The following REV1 variants were observed in gnomAD, a reference collection of about 807,000 sequenced individuals.
The protein encoded by REV1 is REV1 DNA directed polymerase.
REV1 carries 42 observed loss-of-function variants against 137.4 expected under a neutral mutation model. That is an observed-to-expected ratio of 0.31 (90% CI 0.24 to 0.40). The LOEUF (loss-of-function observed/expected upper bound fraction) is 0.40, where lower values mean the gene tolerates loss of function less well. REV1 is among the 10% of genes least tolerant of loss of function. The probability of loss-of-function intolerance (pLI) is 1.00; values close to 1 mark genes in which losing one functional copy is unlikely to be tolerated. For missense variants in REV1, 1,282 were observed against 1,490.1 expected, an observed-to-expected ratio of 0.86 and a Z score of 2.30; for synonymous variants, 524 against 519.2, an observed-to-expected ratio of 1.01 and a Z score of -0.12.
At chr2:99,454,271 T>C (rs988438817) in intron 3 of REV1, among the ~76,000 whole-genome samples, 1 of 151,618 alleles carries the variant, frequency 6.6e-6, no homozygotes, top group Non-Finnish European at 1.5e-5. Flanking sequence ...CAGAAAAGGC[T>C]GGGCACGGTG....
intron 6 of REV1, chr2:99,436,871 A>G (rs979174178): frequency 6.6e-6 from 1 of 152,062 alleles, no homozygotes; most frequent in African/African-American, 2.4e-5. Flanking sequence ...ATTAGTACTG[A>G]GGGTCAGTCT....
rs1171794887 is a variant in REV1, at chr2:99,410,679, T to C, written c.2345+16A>G. 1.9e-6 allele frequency: 3 copies of C among 1,572,370 alleles called. No individual in the cohort carries two copies. Among genetic ancestry groups the C allele is most frequent in the Admixed American group, 4.1e-5 (2 of 48,344 alleles). On this transcript the variant is annotated intron_variant, in intron 14 of 22. Transcript: ENST00000258428. ...CTGAAATATAATTACCAATATCATTTCTGAGGTGAGCTTACCTGGCAATGT... is the reference window on the plus strand; with the variant it reads ...CTGAAATATAATTACCAATATCATTCCTGAGGTGAGCTTACCTGGCAATGT...
Position 99,404,600 on chromosome 2 carries a change from T to G in REV1, c.2889A>C (p.Ala963=). Residue 963 remains alanine, a synonymous_variant, in exon 18 of 23, where the codon GCA becomes GCC. Coordinates refer to ENST00000258428, the MANE Select transcript of REV1 (RefSeq NM_016316.4). ...CTTTCTTTTTGTCGCCATGTGACTC[T>G]GCTTGCTGGACAGCACAGACTTGCT... is the stretch of plus-strand genomic sequence containing the variant. ...QVEQVCAVQQ[A]ESHGDKKKEP... The G allele has an allele frequency of 6.2e-7, 1 of 1,614,132 alleles. No homozygotes were observed. Among genetic ancestry groups the G allele is most frequent in the Non-Finnish European group, 8.5e-7 (1 of 1,180,006 alleles).
At chr2:99,459,599 G>A (rs1385038271) in intron 3 of REV1, among the ~76,000 whole-genome samples, 3 of 151,994 alleles carry the variant, frequency 2.0e-5, no homozygotes, top group Admixed American at 2.0e-4. Flanking sequence ...CTAGCTACTT[G>A]GGAGCCTGAG....
At chr2:99,417,436 G>A (rs919504097) in intron 12 of REV1, among the ~76,000 whole-genome samples, 4 of 152,136 alleles carry the variant, frequency 2.6e-5, no homozygotes, top group African/African-American at 7.2e-5. Context: ...GAGTCACCAT[G>A]CCCGGCCACA....
intron 19 of REV1, 165 bp downstream of exon 19, chr2:99,403,530 T>TA: frequency 1.2e-6 from 1 of 851,018 alleles, no homozygotes; most frequent in African/African-American, 1.7e-5. Context: ...CAACTAGAAA[T>TA]ATGATGATAT....
rs766709386 is a variant in REV1 at position 99,412,926 on chromosome 2, C to T, written c.1977G>A (p.Lys659=). The change falls in exon 13 of 23, where the codon AAG becomes AAA. Residue 659 remains lysine (K), a synonymous_variant. Coordinates refer to ENST00000258428, the MANE Select transcript of REV1 (RefSeq NM_016316.4). The stretch of plus-strand genomic sequence containing the variant: ...AAGTTTTAATTCCCAAAGATGCCAA[C>T]TTAGATTCCATTGAATGTCCAACTC... ...LPGVGHSMES[K]LASLGIKTCG... is the part of the protein sequence containing the mutation. The T allele has an allele frequency of 3.7e-6, 6 of 1,613,718 alleles. No homozygotes were observed. The African/African-American group carries it at 5.3e-5, about 14-fold the overall frequency.
Position 99,439,034 on chromosome 2 carries a change from C to T in REV1, c.780G>A (p.Glu260=), listed in dbSNP as rs147808086. Residue 260 remains glutamate, a synonymous_variant, in exon 6 of 23, where the codon GAG becomes GAA. Transcript: ENST00000258428. The stretch of plus-strand genomic sequence containing the variant: ...TGCTGCTCTTCTCAGCCTTATCCTC[C>T]TCCTGGGAAAAGGCTGGAGAAAGCC... ...ASRLSPAFSQ[E]EDKAEKSSTD... is the part of the protein sequence containing the mutation. The T allele has an allele frequency of 6.0e-5, 97 of 1,614,152 alleles. No individual in the cohort carries two copies. In the African/African-American group the frequency reaches 1.2e-3, roughly 21 times the overall value.
chr2:99,438,855 G>A lies in REV1; in HGVS notation c.959C>T (p.Pro320Leu). 1 of 1,614,212 alleles carries A rather than the reference G, an allele frequency of 6.2e-7. No homozygotes were observed. Residue 320 changes from proline (P) to leucine (L), a missense_variant, in exon 6 of 23, where the codon CCT becomes CTT. This residue lies in a region of REV1 where 432 missense variants were observed against 438.0 expected (regional missense o/e 0.99). Coordinates refer to ENST00000258428, the MANE Select transcript of REV1 (RefSeq NM_016316.4). ...TGAAGAAGTGCTTTTTGTGCTTGAAGGCCCCTGAACAGTGGAGTGGTGAGC... is the reference window on the plus strand; with the variant it reads ...TGAAGAAGTGCTTTTTGTGCTTGAAAGCCCCTGAACAGTGGAGTGGTGAGC... ...NGAHHSTVQGPSSTKSTSSVS... is the reference protein window; with the variant it reads ...NGAHHSTVQGLSSTKSTSSVS...
At position 99,404,584 on chromosome 2, in the gene REV1, T is replaced by C; in HGVS notation, c.2905A>G (p.Lys969Glu). ...AVQQAESHGD[K>E]KKEPVNGCNT... The stretch of plus-strand genomic sequence containing the variant: ...CAGCCATTTACTGGTTCTTTCTTTT[T>C]GTCGCCATGTGACTCTGCTTGCTGG... The change falls in exon 18 of 23, where the codon AAA (lysine) becomes GAA (glutamate). Residue 969 changes from lysine to glutamate, a missense_variant. Lys to Glu is a moderately conservative substitution (Grantham distance 56). This residue lies in a region of REV1 where 135 missense variants were observed against 123.3 expected (regional missense o/e 1.10). Coordinates refer to ENST00000258428, the MANE Select transcript of REV1 (RefSeq NM_016316.4). 2 of 1,614,156 alleles carry C rather than the reference T, an allele frequency of 1.2e-6. No individual in the cohort carries two copies. Among genetic ancestry groups the C allele is most frequent in the South Asian group, 1.1e-5 (1 of 91,072 alleles).
chr2:99,436,610 A>G (rs1680784114), intron 6 of REV1: 1 of 152,408 alleles, frequency 6.6e-6, no homozygotes, highest in Non-Finnish European at 1.5e-5. Flanking sequence ...TGAATGACAT[A>G]TACCACATTT....
At chr2:99,477,792 T>C (rs1309147500) in intron 1 of REV1, among the ~76,000 whole-genome samples, 2 of 152,216 alleles carry the variant, frequency 1.3e-5, no homozygotes, top group Non-Finnish European at 2.9e-5. Flanking sequence ...TTGTTATTCA[T>C]AACTACCAAA....
intron 13 of REV1, among the ~76,000 whole-genome samples, chr2:99,412,528 G>A (rs1677317880): frequency 6.6e-6 from 1 of 151,874 alleles, no homozygotes; most frequent in African/African-American, 2.4e-5. Context: ...ATTTCCCCAA[G>A]AGCTAAGTTT....
rs28369957 is a variant in REV1 at position 99,455,093 on chromosome 2, T to A, written c.182-5589A>T. On this transcript the variant is annotated intron_variant, in intron 3 of 22. Coordinates refer to ENST00000258428, the MANE Select transcript of REV1 (RefSeq NM_016316.4). ...TTGCACAAAAGCTTTCCTAGCTAGA[T>A]CTCTATTGAGAAAACATTTACTATA... Among the ~76,000 whole-genome samples, 45 of 152,352 alleles carry A rather than the reference T, an allele frequency of 3.0e-4. 1 individual carries two copies. The South Asian group carries it at 7.9e-3, about 27-fold the overall frequency.
At chr2:99,473,715 T>A (rs1685668371) in intron 1 of REV1, among the ~76,000 whole-genome samples, 1 of 152,240 alleles carries the variant, frequency 6.6e-6, no homozygotes, top group Non-Finnish European at 1.5e-5. Flanking sequence ...ACAATTTCTG[T>A]ACCAGATGAG....
rs759607715 is a variant in REV1 at position 99,405,939 on chromosome 2, G to A, written c.2782C>T (p.Leu928=). 1 of 1,603,004 alleles carries A rather than the reference G, an allele frequency of 6.2e-7. No individual in the cohort carries two copies. The highest frequency in any genetic ancestry group is 8.5e-7 in the Non-Finnish European group (1 of 1,174,978). ...GAAGGTGACGGGACCTCTATACTCA[G>A]GTTAAGTCTCGACTGCACACTGACA... The part of the protein sequence containing the change: ...TPVSVQSRLN[L]SIEVPSPSQL... Residue 928 remains leucine (L), a synonymous_variant, in exon 17 of 23, where the codon CTG becomes TTG. Coordinates refer to ENST00000258428, the MANE Select transcript of REV1 (RefSeq NM_016316.4).
rs143387529 is a variant in REV1 at position 99,406,478 on chromosome 2, C to T, written c.2461G>A (p.Val821Met). ...ISDMRGVGIH[V>M]NQLVPTNLNP... ...AGATTAGTTGGAACCAACTGATTCA[C>T]GTGAATCCCAACCTAGAACCCAGAA... Residue 821 changes from valine to methionine, a missense_variant, in exon 16 of 23, where the codon GTG becomes ATG. Physicochemically the swap from Val to Met is conservative, Grantham distance 21. Around this residue, in one of 7 missense-constraint regions of REV1, gnomAD observed 372 missense variants for 482.3 expected, o/e 0.77. Transcript: ENST00000258428. 130 of 1,602,464 alleles carry T rather than the reference C, an allele frequency of 8.1e-5. No individual in the cohort carries two copies. Among genetic ancestry groups the T allele is most frequent in the South Asian group, 3.0e-4 (27 of 89,070 alleles).
In REV1 at chr2:99,438,691, G is replaced by A; in HGVS notation, c.1123C>T (p.Leu375=). The A allele has an allele frequency of 6.2e-7, 1 of 1,614,050 alleles. No homozygotes were observed. Among genetic ancestry groups the A allele is most frequent in the Non-Finnish European group, 8.5e-7 (1 of 1,179,958 alleles). Residue 375 remains leucine (L), a synonymous_variant, in exon 6 of 23, where the codon CTA becomes TTA. Transcript: ENST00000258428. ...AAGATACCATTACTTTGTCTTTGTA[G>A]GGTATTGACAAACTCAGTCAATTCA... ...KCELTEFVNT[L]QRQSNGIFPG... is the part of the protein sequence containing the mutation.
At chr2:99,402,020 G>A (rs751261313) in intron 22 of REV1, among the ~76,000 whole-genome samples, 4 of 152,222 alleles carry the variant, frequency 2.6e-5, no homozygotes, top group Non-Finnish European at 4.4e-5. Context: ...GTGAGCCACT[G>A]TGCCCAGCCC....
Sources: allele counts gnomAD v4.1 joint callset (sites outside exome capture counted in the v4.1 genomes callset), GRCh38; gene constraint gnomAD v4.1.1; regional missense constraint gnomAD v4.1.1; transcripts MANE v1.5; gene names NCBI Gene and HGNC (gene_info 2026-07-23, HGNC 2026-07-21).